Variants in GFPT1 observed in about 807,000 individuals in gnomAD.
GFPT1 encodes glutamine--fructose-6-phosphate transaminase 1.
GFPT1 carries 40 observed loss-of-function variants against 92.0 expected under a neutral mutation model. The observed-to-expected ratio is 0.43, with a 90% CI of 0.34 to 0.57. GFPT1 has a LOEUF of 0.57. GFPT1 is among the 20% of genes least tolerant of loss of function. The pLI is 0.02. For missense variants in GFPT1, 448 were observed against 869.1 expected (o/e 0.52, Z 6.09); for synonymous variants, 269 against 280.6 (o/e 0.96, Z 0.41).
chr2:69,353,310 G>C (rs916389049), intron 9 of GFPT1, among the ~76,000 whole-genome samples: 1 of 152,154 alleles, frequency 6.6e-6, no homozygotes, highest in Admixed American at 6.5e-5. Flanking sequence ...GTTGAGGTGG[G>C]AGGATCCCTT....
rs990295315 is a variant in GFPT1 at position 69,322,663 on chromosome 2, G to C, written c.*3526C>G. On this transcript the variant is annotated 3_prime_UTR_variant, in exon 20 of 20. Transcript: ENST00000357308. ...AACCTAAGAGAGAAAACCTGTAATA[G>C]CTCTCTTAACCAACAGCCCCATCTG... 2.6e-5 allele frequency: 4 copies of C among 152,180 alleles called. No homozygotes were observed. Among genetic ancestry groups the C allele is most frequent in the African/African-American group, 9.7e-5 (4 of 41,442 alleles). The allele number at this position is 152,180 out of a possible 1,614,324, so 9.4% of individuals were successfully genotyped here. A position where few individuals can be genotyped will look rare whatever the true frequency, so the allele number is the denominator to read the frequency against.
At chr2:69,366,091 G>A (rs939287676) in intron 3 of GFPT1, among the ~76,000 whole-genome samples, 4 of 152,160 alleles carry the variant, frequency 2.6e-5, no homozygotes, top group African/African-American at 4.8e-5. Flanking sequence ...TGGGATTACA[G>A]GCGTGAGCCA....
At chr2:69,370,417 G>A (rs182763810) in intron 2 of GFPT1, among the ~76,000 whole-genome samples, 135 of 152,274 alleles carry the variant, frequency 8.9e-4, no homozygotes, top group Middle Eastern at 3.4e-3. Context: ...GGATACAATG[G>A]AGAAATGCAA....
At chr2:69,334,909 G>C (rs1448100836) in intron 15 of GFPT1, among the ~76,000 whole-genome samples, 2 of 152,190 alleles carry the variant, frequency 1.3e-5, no homozygotes, top group African/African-American at 2.4e-5. Context: ...TGTGATAACA[G>C]TTGTACAGCC....
At chr2:69,370,307 T>C (rs1671715528) in intron 2 of GFPT1, among the ~76,000 whole-genome samples, 199 bp from the exon 3 acceptor site, 1 of 152,198 alleles carries the variant, frequency 6.6e-6, no homozygotes, top group African/African-American at 2.4e-5. Context: ...AATAACTCCA[T>C]TCCTGTCCTC....
chr2:69,337,710 C>T (rs1670834739), intron 15 of GFPT1, among the ~76,000 whole-genome samples, 188 bp downstream of exon 15: 1 of 152,190 alleles, frequency 6.6e-6, no homozygotes, highest in Non-Finnish European at 1.5e-5. Flanking sequence ...TTTTATCTAT[C>T]TGACCCTAAA....
intron 3 of GFPT1, among the ~76,000 whole-genome samples, chr2:69,366,902 TC>T (rs1412564129): frequency 6.6e-6 from 1 of 152,126 alleles, no homozygotes; most frequent in African/African-American, 2.4e-5. Context: ...GATGTCATCT[TC>T]CCTTTTCAAA....
intron 1 of GFPT1, among the ~76,000 whole-genome samples, chr2:69,382,010 C>T (rs1038458050): frequency 1.3e-5 from 2 of 151,900 alleles, no homozygotes; most frequent in Non-Finnish European, 2.9e-5. Flanking sequence ...ATTACAGGTG[C>T]GTACCACAAC....
At chr2:69,378,260 C>T (rs893880966) in intron 1 of GFPT1, among the ~76,000 whole-genome samples, 1 of 152,214 alleles carries the variant, frequency 6.6e-6, no homozygotes, top group Admixed American at 6.5e-5. Flanking sequence ...CTCGCCTCAG[C>T]CTCCCAAAGT....
intron 19 of GFPT1, 23 bp downstream of exon 19, chr2:69,326,891 T>C: frequency 6.2e-7 from 1 of 1,612,778 alleles, no homozygotes; most frequent in East Asian, 2.2e-5. Flanking sequence ...ATCCCAAGAT[T>C]TCTGCAGTGG....
intron 6 of GFPT1, 73 bp downstream of exon 6, chr2:69,358,256 A>T: frequency 7.6e-7 from 1 of 1,311,600 alleles, no homozygotes; most frequent in Non-Finnish European, 1.1e-6. Flanking sequence ...GTTCCTGCTT[A>T]TCAAACTTAA....
At chr2:69,359,389 T>A (rs1303871622) in intron 4 of GFPT1, 63 bp from the exon 5 acceptor site, 4 of 915,464 alleles carry the variant, frequency 4.4e-6, no homozygotes. Context: ...AAAATAGCTA[T>A]TACTCTAACT....
intron 15 of GFPT1, among the ~76,000 whole-genome samples, chr2:69,332,207 C>T (rs1329831355): frequency 3.9e-5 from 6 of 151,940 alleles, no homozygotes; most frequent in Admixed American, 1.3e-4. Flanking sequence ...TCAATTTGTG[C>T]TAGGAATTTA....
At chr2:69,333,766 C>G (rs1156382747) in intron 15 of GFPT1, among the ~76,000 whole-genome samples, 1 of 152,206 alleles carries the variant, frequency 6.6e-6, no homozygotes, top group African/African-American at 2.4e-5. Context: ...TAAGATCCCT[C>G]TAATCCTGAC....
intron 2 of GFPT1, among the ~76,000 whole-genome samples, chr2:69,372,952 G>C (rs1237561321): frequency 6.6e-6 from 1 of 152,162 alleles, no homozygotes; most frequent in East Asian, 1.9e-4. Flanking sequence ...TACACAAACT[G>C]TGCAAACAAA....
At chr2:69,329,522 T>A in intron 16 of GFPT1, 98 bp from the exon 17 acceptor site, 1 of 1,029,964 alleles carries the variant, frequency 9.7e-7, no homozygotes, top group East Asian at 2.5e-5. Context: ...TCTATTCCTC[T>A]GTGCTATCAA....
At chr2:69,368,256 G>A (rs140725720) in intron 3 of GFPT1, among the ~76,000 whole-genome samples, 2,047 of 152,126 alleles carry the variant, frequency 0.013, 42 homozygotes, top group African/African-American at 0.047. Context: ...TGTGGCGGGC[G>A]CCTGTGGTCC....
chr2:69,344,034 T>C (rs1671020350), intron 12 of GFPT1, among the ~76,000 whole-genome samples: 1 of 152,136 alleles, frequency 6.6e-6, no homozygotes, highest in Non-Finnish European at 1.5e-5. Context: ...TTCTTGCTGT[T>C]ACTGCACTAG....
chr2:69,327,679 T>C (rs1670563302), intron 18 of GFPT1, among the ~76,000 whole-genome samples: 1 of 152,044 alleles, frequency 6.6e-6, no homozygotes, highest in Non-Finnish European at 1.5e-5. Context: ...TTTTTAAATG[T>C]TTTAGAAGTA....
Sources: allele counts gnomAD v4.1 joint callset (sites outside exome capture counted in the v4.1 genomes callset), GRCh38; gene constraint gnomAD v4.1.1; transcripts MANE v1.5; gene names NCBI Gene and HGNC (gene_info 2026-07-23, HGNC 2026-07-21).